CCDC178: variants seen among roughly 807,000 people sequenced by gnomAD.
CCDC178 encodes coiled-coil domain containing 178.
CCDC178 carries 126 observed loss-of-function variants against 117.4 expected under a neutral mutation model. The observed-to-expected ratio is 1.07, with a 90% CI of 0.93 to 1.24. CCDC178 has a LOEUF of 1.24. Among genes scored for constraint, CCDC178 ranks in the 50% most tolerant of loss-of-function variants. CCDC178 has a pLI of 0.00. For missense variants in CCDC178, 1,030 were observed against 986.9 expected (o/e 1.04, Z -0.59); for synonymous variants, 283 against 313.4 (o/e 0.90, Z 1.02).
intron 2 of CCDC178, among the ~76,000 whole-genome samples, chr18:33,421,744 C>T (rs1459598760): frequency 1.3e-5 from 2 of 152,006 alleles, no homozygotes; most frequent in African/African-American, 2.4e-5. Context: ...GAACGGGTTA[C>T]GCTCAGTCAG....
chr18:32,941,081 T>G (rs1032550505), intron 22 of CCDC178, among the ~76,000 whole-genome samples: 4 of 151,972 alleles, frequency 2.6e-5, no homozygotes, highest in Admixed American at 2.0e-4. Context: ...TTAATGATTT[T>G]TTTTTTTTTT....
chr18:33,370,164 GC>G lies in CCDC178; in HGVS notation c.233del (p.Ser78ThrfsTer11), dbSNP rs2063277663. 2.5e-6 allele frequency: 4 copies of G among 1,602,708 alleles called. No individual in the cohort carries two copies. Among genetic ancestry groups the G allele is most frequent in the Admixed American group, 3.5e-5 (2 of 57,860 alleles). On this transcript the variant is annotated frameshift_variant, in exon 6 of 23. Coordinates refer to ENST00000383096, the MANE Select transcript of CCDC178 (RefSeq NM_001105528.4). LOFTEE classifies it high-confidence loss of function. ...CACAGCTGTGACGTCGACATGGGTA[GC>G]TAAAGTAAATGCCTTTATTCACCCC... ...TEGVNKGIYFSYPCRRHSCAV... is the reference protein window; with the variant it reads ...TEGVNKGIYFXYPCRRHSCAV...
At chr18:33,005,800 C>T (rs982404101) in intron 21 of CCDC178, among the ~76,000 whole-genome samples, 4 of 151,962 alleles carry the variant, frequency 2.6e-5, no homozygotes, top group African/African-American at 9.7e-5. Context: ...ACAGTTCTAA[C>T]TCTGTGTACA....
At chr18:33,347,324 C>T (rs2062910224) in intron 8 of CCDC178, among the ~76,000 whole-genome samples, 1 of 152,098 alleles carries the variant, frequency 6.6e-6, no homozygotes, top group Non-Finnish European at 1.5e-5. Flanking sequence ...ACAATAAAGA[C>T]AATGATTTTC....
At chr18:33,351,176 GTGTGTGTA>G (rs1164974489) in intron 7 of CCDC178, among the ~76,000 whole-genome samples, 19 of 151,118 alleles carry the variant, frequency 1.3e-4, no homozygotes, top group African/African-American at 3.9e-4. Context: ...GTGTGTGTGT[GTGTGTGTA>G]TAGTTTTTGT....
At chr18:33,050,336 C>T (rs749957917) in intron 21 of CCDC178, among the ~76,000 whole-genome samples, 21 of 152,082 alleles carry the variant, frequency 1.4e-4, no homozygotes, top group Middle Eastern at 3.4e-3. Flanking sequence ...CAGAAACCGC[C>T]GAAGTTTGAA....
At chr18:32,961,781 G>T (rs2054709038) in intron 22 of CCDC178, among the ~76,000 whole-genome samples, 1 of 152,062 alleles carries the variant, frequency 6.6e-6, no homozygotes, top group Non-Finnish European at 1.5e-5. Flanking sequence ...GCTCCTGGCT[G>T]CTCACCTTCT....
At chr18:33,007,869 G>A (rs2055782645) in intron 21 of CCDC178, among the ~76,000 whole-genome samples, 1 of 151,988 alleles carries the variant, frequency 6.6e-6, no homozygotes, top group African/African-American at 2.4e-5. Flanking sequence ...GTATGAAAAT[G>A]GAAAACAAAA....
rs572696467 is a variant in CCDC178, at chr18:33,239,207, A to T, written c.1593+6038T>A. ...ACTCACTGGCAGAGCCAATATACAC[A>T]GTAGAAAGAGAAAAGAGTCAAACCT... On this transcript the variant is annotated intron_variant, in intron 15 of 22. Coordinates refer to ENST00000383096, the MANE Select transcript of CCDC178 (RefSeq NM_001105528.4). Among the ~76,000 whole-genome samples the T allele has an allele frequency of 4.6e-5, 7 of 152,184 alleles. No individual in the cohort carries two copies. The South Asian group carries it at 1.2e-3, about 27-fold the overall frequency.
At position 33,164,869 on chromosome 18, in the gene CCDC178, T is replaced by C. The variant is rs191800239; in HGVS notation, c.2238+47027A>G. On this transcript the variant is annotated intron_variant, in intron 20 of 22. Transcript: ENST00000383096. Reference sequence around the variant, plus strand: ...TAGTTTTTGAAATATTATTTACAGTTTGGACTCAGAAGTCATATCAATAAA... The same window carrying C: ...TAGTTTTTGAAATATTATTTACAGTCTGGACTCAGAAGTCATATCAATAAA... 1.9e-3 allele frequency among the ~76,000 whole-genome samples: 289 copies of C among 152,346 alleles called. 1 individual carries two copies. The highest frequency in any genetic ancestry group is 0.017 in the Middle Eastern group (5 of 294).
In CCDC178 at chr18:33,267,072, G is replaced by T. The variant is rs756264643; in HGVS notation, c.1273-20C>A. On this transcript the variant is annotated intron_variant, in intron 13 of 22. Transcript: ENST00000383096. ...TTTTTTCTTTAAGAAAAGAATAAAA[G>T]AATCATTCATACATGTCTAATTATC... 1 of 1,569,050 alleles carries T rather than the reference G, an allele frequency of 6.4e-7. No individual in the cohort carries two copies. The highest frequency in any genetic ancestry group is 1.2e-5 in the South Asian group (1 of 83,228).
At chr18:33,436,049 T>C (rs140352762) in intron 2 of CCDC178, among the ~76,000 whole-genome samples, 24 of 150,986 alleles carry the variant, frequency 1.6e-4, no homozygotes, top group African/African-American at 4.6e-4. Flanking sequence ...AGAACTATAG[T>C]TGGATCAGAT....
chr18:32,937,717 T>C lies in CCDC178; in HGVS notation c.*294A>G, dbSNP rs969235125. On this transcript the variant is annotated 3_prime_UTR_variant, in exon 23 of 23. Transcript: ENST00000383096. ...CTGTCAACACCGCCAGTAATTATTCTCTCTTCCAATTAATGGTGACATAGA... is the reference window on the plus strand; with the variant it reads ...CTGTCAACACCGCCAGTAATTATTCCCTCTTCCAATTAATGGTGACATAGA... 1 of 334,222 alleles carries C rather than the reference T, an allele frequency of 3.0e-6. No individual in the cohort carries two copies. Among genetic ancestry groups the C allele is most frequent in the African/African-American group, 2.1e-5 (1 of 47,186 alleles). 20.7% of individuals were successfully genotyped at this position (334,222 alleles called of 1,614,324 possible). A position where few individuals can be genotyped will look rare whatever the true frequency, so the allele number is the denominator to read the frequency against.
Position 33,039,992 on chromosome 18 carries a change from T to TA in CCDC178, c.2388+52768dup, listed in dbSNP as rs142435491. Among the ~76,000 whole-genome samples the TA allele has an allele frequency of 1.2e-3, 179 of 151,824 alleles. 1 individual carries two copies. The East Asian group carries it at 0.023, about 20-fold the overall frequency. On this transcript the variant is annotated intron_variant, in intron 21 of 22. Coordinates refer to ENST00000383096, the MANE Select transcript of CCDC178 (RefSeq NM_001105528.4). ...CAACCACAAGAAAATCCAGGATTTA[T>TA]AAAAAATTACCATAAGAAAAAAAAT...
At chr18:33,210,007 G>C (rs758972172) in intron 20 of CCDC178, among the ~76,000 whole-genome samples, 9 of 151,994 alleles carry the variant, frequency 5.9e-5, no homozygotes, top group Non-Finnish European at 1.2e-4. Flanking sequence ...AAAGTATCAG[G>C]AGTATCAGGC....
In CCDC178 at chr18:32,959,281, C is replaced by T. The variant is rs528640552; in HGVS notation, c.2523+15266G>A. Among the ~76,000 whole-genome samples the T allele has an allele frequency of 3.9e-5, 6 of 152,194 alleles. No individual in the cohort carries two copies. In the East Asian group the frequency reaches 9.7e-4, roughly 25 times the overall value. The stretch of plus-strand genomic sequence containing the variant: ...CTCCTATTGATAATATGTGCAGTTT[C>T]TTACATGAATGAAAATCCAAAGGTT... On this transcript the variant is annotated intron_variant, in intron 22 of 22. Coordinates refer to ENST00000383096, the MANE Select transcript of CCDC178 (RefSeq NM_001105528.4).
At chr18:32,945,328 C>T (rs2054321479) in intron 22 of CCDC178, among the ~76,000 whole-genome samples, 1 of 152,032 alleles carries the variant, frequency 6.6e-6, no homozygotes, top group South Asian at 2.1e-4. Context: ...GAACATACTC[C>T]CCAAGTTTGA....
At chr18:33,302,896 A>G (rs2062196212) in intron 11 of CCDC178, among the ~76,000 whole-genome samples, 1 of 152,144 alleles carries the variant, frequency 6.6e-6, no homozygotes, top group Admixed American at 6.6e-5. Context: ...GAGATTTTTC[A>G]AAGGATACAC....
intron 16 of CCDC178, among the ~76,000 whole-genome samples, chr18:33,225,237 A>C (rs2059288579): frequency 6.6e-6 from 1 of 151,922 alleles, no homozygotes; most frequent in South Asian, 2.1e-4. Flanking sequence ...ATCTCTGTTC[A>C]CTACAACCTC....
Sources: gnomAD v4.1 joint callset for allele counts (sites outside exome capture counted in the v4.1 genomes callset) on GRCh38, gnomAD v4.1.1 for gene constraint, MANE v1.5 for transcripts, NCBI Gene and HGNC (gene_info 2026-07-23, HGNC 2026-07-21) for gene names.